The following ARHGAP17 variants were observed in gnomAD, a reference collection of about 807,000 sequenced individuals.
ARHGAP17 encodes the protein rho GTPase-activating protein 17.
Under a neutral mutation model 99.5 loss-of-function variants are expected in ARHGAP17, and 57 were observed. The observed-to-expected ratio is 0.57, with a 90% CI of 0.46 to 0.71. ARHGAP17 has a LOEUF of 0.71. ARHGAP17 is among the 30% of genes least tolerant of loss of function. ARHGAP17 has a pLI of 0.00. For missense variants in ARHGAP17, 1,000 were observed against 1,122.4 expected (o/e 0.89, Z 1.56); for synonymous variants, 417 against 429.6 (o/e 0.97, Z 0.36).
At chr16:24,980,966 G>A (rs961550524) in intron 1 of ARHGAP17, among the ~76,000 whole-genome samples, 8 of 152,154 alleles carry the variant, frequency 5.3e-5, no homozygotes, top group African/African-American at 1.7e-4. Flanking sequence ...GATTCAACCT[G>A]AGAATCAGAA....
At chr16:24,990,704 T>C (rs775970024) in intron 1 of ARHGAP17, among the ~76,000 whole-genome samples, 3 of 150,140 alleles carry the variant, frequency 2.0e-5, no homozygotes, top group Non-Finnish European at 4.4e-5. Context: ...TTGTCAAAAA[T>C]AATAATACTG....
chr16:24,997,585 G>A (rs558494050), intron 1 of ARHGAP17, among the ~76,000 whole-genome samples: 3 of 152,274 alleles, frequency 2.0e-5, no homozygotes, highest in Non-Finnish European at 4.4e-5. Context: ...CCCAAAACAC[G>A]AGATCCAAGT....
Position 24,954,616 on chromosome 16 carries a change from C to G in ARHGAP17, c.839G>C (p.Gly280Ala), listed in dbSNP as rs376529804. Residue 280 changes from glycine to alanine, a missense_variant, in exon 10 of 20, where the codon GGC becomes GCC. Around this residue, in one of 2 missense-constraint regions of ARHGAP17, gnomAD observed 472 missense variants for 611.1 expected, o/e 0.77. Transcript: ENST00000289968. ...AGCTCCCCTCACCTCCTCCTTCATG[C>G]CTGTCTCCAGAAGCAGCATGACACA... ...EACVMLLLET[G>A]MKEEGLFRIG... is the part of the protein sequence containing the mutation. 7.5e-5 allele frequency: 121 copies of G among 1,613,502 alleles called. No individual in the cohort carries two copies. Among genetic ancestry groups the G allele is most frequent in the Non-Finnish European group, 9.7e-5 (115 of 1,179,744 alleles).
chr16:25,009,297 G>A (rs2053583575), intron 1 of ARHGAP17, among the ~76,000 whole-genome samples: 1 of 151,886 alleles, frequency 6.6e-6, no homozygotes, highest in Non-Finnish European at 1.5e-5. Flanking sequence ...AACCCAGGAG[G>A]TGGAGGTTGC....
At chr16:24,979,855 C>T (rs901722844) in intron 1 of ARHGAP17, among the ~76,000 whole-genome samples, 1 of 152,086 alleles carries the variant, frequency 6.6e-6, no homozygotes, top group Admixed American at 6.6e-5. Context: ...GAATTATAGG[C>T]ACGTGCCACT....
intron 1 of ARHGAP17, among the ~76,000 whole-genome samples, chr16:24,998,413 T>C (rs6497767): frequency 0.5 from 75,479 of 151,386 alleles, 20,365 homozygotes; most frequent in African/African-American, 0.72. Context: ...GGACAGAGGG[T>C]GGGGTCCAGG....
intron 1 of ARHGAP17, among the ~76,000 whole-genome samples, chr16:24,992,050 A>C (rs2053058526): frequency 6.6e-6 from 1 of 152,162 alleles, no homozygotes; most frequent in Admixed American, 6.5e-5. Flanking sequence ...CATGGGGAGA[A>C]AAGGTTTGGG....
Position 24,979,012 on chromosome 16 carries a change from G to GA in ARHGAP17, c.54-8dup. On this transcript the variant is annotated splice_region_variant and splice_polypyrimidine_tract_variant and intron_variant, in intron 1 of 19. Transcript: ENST00000289968. ...GACTTCTGTTTTCTCAGCTCTGTGG[G>GA]AAAAATTAAAAATTCAGAGTTAGAA... The GA allele has an allele frequency of 6.3e-7, 1 of 1,578,414 alleles. No individual in the cohort carries two copies. The highest frequency in any genetic ancestry group is 1.4e-5 in the African/African-American group (1 of 72,844).
At chr16:24,968,564 T>C (rs2052262457) in intron 5 of ARHGAP17, 97 bp downstream of exon 5, 11 of 1,511,618 alleles carry the variant, frequency 7.3e-6, no homozygotes, top group Non-Finnish European at 1.0e-5. Context: ...CAAAAAGAAG[T>C]GTATGTTAAA....
chr16:24,960,048 T>A, intron 7 of ARHGAP17, 69 bp from the exon 8 acceptor site: 1 of 1,440,560 alleles, frequency 6.9e-7, no homozygotes, highest in Non-Finnish European at 9.8e-7. Context: ...CTGAGAACAA[T>A]CTCTGTGAGC....
At position 24,978,990 on chromosome 16, in the gene ARHGAP17, TTC is replaced by T. The variant is rs1218735857; in HGVS notation, c.67_68del (p.Glu23SerfsTer3). ...NQTVGRAEKT[E>X]VLSEDLLQIE... ...CCTGTAATAGATCTTCACTAAGGAC[TTC>T]TGTTTTCTCAGCTCTGTGGGAAAAA... On this transcript the variant is annotated frameshift_variant, in exon 2 of 20. Transcript: ENST00000289968. LOFTEE classifies it high-confidence loss of function. 6.3e-7 allele frequency: 1 copy of T among 1,593,656 alleles called. No homozygotes were observed. Among genetic ancestry groups the T allele is most frequent in the Non-Finnish European group, 8.5e-7 (1 of 1,172,276 alleles).
chr16:24,964,458 A>C, intron 6 of ARHGAP17, 150 bp from the exon 7 acceptor site: 1 of 621,350 alleles, frequency 1.6e-6, no homozygotes, highest in Non-Finnish European at 2.9e-6. Flanking sequence ...TCTTGAGCTT[A>C]TTCTCTAAGA....
chr16:24,988,973 G>A (rs1349337073), intron 1 of ARHGAP17, among the ~76,000 whole-genome samples: 1 of 152,164 alleles, frequency 6.6e-6, no homozygotes, highest in Non-Finnish European at 1.5e-5. Flanking sequence ...AAATATGTGA[G>A]AAATATTTTG....
chr16:24,949,666 G>T (rs1187407414), intron 12 of ARHGAP17, among the ~76,000 whole-genome samples, 182 bp from the exon 13 acceptor site: 1 of 152,200 alleles, frequency 6.6e-6, no homozygotes, highest in Non-Finnish European at 1.5e-5. Context: ...TGCGCAGTTG[G>T]TTAACCTTCA....
intron 9 of ARHGAP17, chr16:24,957,536 T>C (rs1472706291): frequency 6.6e-6 from 1 of 152,134 alleles, no homozygotes; most frequent in East Asian, 1.9e-4. Context: ...GTCCTTACAA[T>C]GAAAGAAGAC....
In ARHGAP17 at chr16:24,968,786, AC is replaced by A. The variant is rs779217076; in HGVS notation, c.273-15del. On this transcript the variant is annotated splice_polypyrimidine_tract_variant and intron_variant, in intron 4 of 19. Transcript: ENST00000289968. ...TCCAGCATCTTCCTTTAAAAACAAG[AC>A]CCCCAACAACGAGCACGTGCTCATT... 4 of 1,613,082 alleles carry A rather than the reference AC, an allele frequency of 2.5e-6. No homozygotes were observed. The highest frequency in any genetic ancestry group is 1.7e-6 in the Non-Finnish European group (2 of 1,179,288).
intron 14 of ARHGAP17, among the ~76,000 whole-genome samples, chr16:24,945,000 T>G (rs2051426377): frequency 6.6e-6 from 1 of 151,974 alleles, no homozygotes; most frequent in South Asian, 2.1e-4. Flanking sequence ...AAGATGAGTG[T>G]TCAGATGTTA....
intron 1 of ARHGAP17, among the ~76,000 whole-genome samples, chr16:25,013,065 A>C (rs2053683587): frequency 6.6e-6 from 1 of 152,196 alleles, no homozygotes; most frequent in African/African-American, 2.4e-5. Flanking sequence ...GAGAACACAC[A>C]CAAGAGGCAG....
chr16:24,934,782 C>T (rs938364912), intron 18 of ARHGAP17, among the ~76,000 whole-genome samples: 5 of 152,030 alleles, frequency 3.3e-5, no homozygotes, highest in African/African-American at 1.2e-4. Context: ...TGAGGTGAGA[C>T]CTGAATGGTA....
Sources: gnomAD v4.1 joint callset for allele counts (sites outside exome capture counted in the v4.1 genomes callset) on GRCh38, gnomAD v4.1.1 for gene constraint, gnomAD v4.1.1 regional missense constraint, MANE v1.5 for transcripts, NCBI Gene and HGNC (gene_info 2026-07-23, HGNC 2026-07-21) for gene names.